Variants in BRIP1 observed in about 807,000 individuals in gnomAD.
BRIP1 encodes BRCA1 interacting DNA helicase 1.
In BRIP1, 88 loss-of-function variants were observed where a neutral mutation model predicts 119.7. The observed-to-expected ratio is 0.74, with a 90% CI of 0.62 to 0.88. The LOEUF is 0.88. Ranked by LOEUF, BRIP1 falls within the 40% of genes least tolerant of loss-of-function variation. BRIP1 has a pLI of 0.00. For synonymous variants in BRIP1, 443 were observed against 496.5 expected (o/e 0.89, Z 1.43); for missense variants, 1,259 against 1,455.4 (o/e 0.87, Z 2.20).
rs2061248286 is a variant in BRIP1, at chr17:61,679,275, AAC to A, written c.*4019_*4020del. Among the ~76,000 whole-genome samples the A allele has an allele frequency of 6.6e-6, 1 of 152,220 alleles. No homozygotes were observed. Among genetic ancestry groups the A allele is most frequent in the Non-Finnish European group, 1.5e-5 (1 of 68,014 alleles). On this transcript the variant is annotated 3_prime_UTR_variant, in exon 20 of 20. Transcript: ENST00000259008. This position sits in a 1 kb window ranked among gnomAD's most constrained non-coding sequence, Gnocchi z 4.4. ...CAACAAAGCCTTATAGAAACTTAGA[AAC>A]AGTGCCAAATTTAAACCCATGTAAT... is the stretch of plus-strand genomic sequence containing the variant.
chr17:61,839,562 A>G (rs2078627566), intron 6 of BRIP1, among the ~76,000 whole-genome samples: 1 of 152,182 alleles, frequency 6.6e-6, no homozygotes. Context: ...ATGCATGTTT[A>G]ATTAGTATGA....
chr17:61,731,421 G>A (rs2076841631), intron 16 of BRIP1, among the ~76,000 whole-genome samples: 1 of 152,092 alleles, frequency 6.6e-6, no homozygotes, highest in Non-Finnish European at 1.5e-5. Flanking sequence ...CCTGGATCTG[G>A]TTTCCCATAA....
intron 14 of BRIP1, among the ~76,000 whole-genome samples, chr17:61,749,573 G>A (rs1310200727): frequency 6.6e-6 from 1 of 152,082 alleles, no homozygotes; most frequent in Non-Finnish European, 1.5e-5. Flanking sequence ...TGTTCGGAAG[G>A]CCATTATTTA....
chr17:61,749,264 G>A (rs2159450), intron 14 of BRIP1, among the ~76,000 whole-genome samples: 1 of 151,882 alleles, frequency 6.6e-6, no homozygotes, highest in African/African-American at 2.4e-5. Flanking sequence ...TAAAACCTAC[G>A]ATTGGGACCA....
rs988427438 is a variant in BRIP1, at chr17:61,743,982, C to T, written c.2257+450G>A. 1.1e-4 allele frequency among the ~76,000 whole-genome samples: 16 copies of T among 152,130 alleles called. No individual in the cohort carries two copies. Among genetic ancestry groups the T allele is most frequent in the South Asian group, 8.3e-4 (4 of 4,822 alleles). ...GATTACAGGCAAGAGCCACCACGCC[C>T]GGCCTCACATCAAACTCTTCATGGA... On this transcript the variant is annotated intron_variant, in intron 15 of 19. Transcript: ENST00000259008. The surrounding 1 kb of genome is among the most constrained non-coding windows in gnomAD (Gnocchi z 4.3).
At position 61,722,036 on chromosome 17, in the gene BRIP1, C is replaced by T. The variant is rs2061988419; in HGVS notation, c.2380-5973G>A. ...GAGCCACCACGCCTAGCCAACTTTG[C>T]TTTTTTTTTTTTTCTTTTTTTTTGA... is the stretch of plus-strand genomic sequence containing the variant. On this transcript the variant is annotated intron_variant, in intron 16 of 19. Transcript: ENST00000259008. This position sits in a 1 kb window ranked among gnomAD's most constrained non-coding sequence, Gnocchi z 4.6. 7.1e-6 allele frequency among the ~76,000 whole-genome samples: 1 copy of T among 141,838 alleles called. No homozygotes were observed. The highest frequency in any genetic ancestry group is 2.6e-5 in the African/African-American group (1 of 38,662). 93.1% of individuals were successfully genotyped at this position (141,838 alleles called of 152,430 possible). A position where few individuals can be genotyped will look rare whatever the true frequency, so the allele number is the denominator to read the frequency against.
intron 6 of BRIP1, among the ~76,000 whole-genome samples, chr17:61,833,626 G>A (rs933650083): frequency 8.8e-5 from 13 of 147,502 alleles, no homozygotes; most frequent in Non-Finnish European, 1.6e-4. Context: ...AGCCAAAACT[G>A]CACCACTGCA....
chr17:61,825,622 CAAATAAAT>C lies in BRIP1; in HGVS notation c.628-16873_628-16866del, dbSNP rs3034667. On this transcript the variant is annotated intron_variant, in intron 6 of 19. Coordinates refer to ENST00000259008, the MANE Select transcript of BRIP1 (RefSeq NM_032043.3). This position sits in a 1 kb window ranked among gnomAD's most constrained non-coding sequence, Gnocchi z 4.1. Reference sequence around the variant, plus strand: ...AATGCAATCCCATTCACAATTGCCACAAATAAATAAATAAATAAATAAATAAATAAATA... The same window carrying C: ...AATGCAATCCCATTCACAATTGCCACAAATAAATAAATAAATAAATAAATA... Among the ~76,000 whole-genome samples, 27,197 of 143,254 alleles carry C rather than the reference CAAATAAAT, an allele frequency of 0.19. 2,887 individuals are homozygous for C. Among genetic ancestry groups the C allele is most frequent in the Admixed American group, 0.29 (4,105 of 14,356 alleles). The allele number at this position is 143,254 out of a possible 152,430, so 94.0% of individuals were successfully genotyped here.
rs566596727 is a variant in BRIP1 at position 61,761,169 on chromosome 17, T to C, written c.2097+15232A>G. On this transcript the variant is annotated intron_variant, in intron 14 of 19. Transcript: ENST00000259008. The surrounding 1 kb of genome is among the most constrained non-coding windows in gnomAD (Gnocchi z 6.4). Reference sequence around the variant, plus strand: ...GACAAAAACCATATGATCATCTCATTAGATGTAGAAAAATCATTTGACAAA... The same window carrying C: ...GACAAAAACCATATGATCATCTCATCAGATGTAGAAAAATCATTTGACAAA... 7.2e-5 allele frequency among the ~76,000 whole-genome samples: 11 copies of C among 152,196 alleles called. No homozygotes were observed. The East Asian group carries it at 2.1e-3, about 29-fold the overall frequency.
chr17:61,766,437 T>C (rs1351431546), intron 14 of BRIP1, among the ~76,000 whole-genome samples: 1 of 152,186 alleles, frequency 6.6e-6, no homozygotes, highest in Non-Finnish European at 1.5e-5. Flanking sequence ...AAAAAATATT[T>C]CTTCAAAAGG....
At chr17:61,826,985 A>T (rs1393077228) in intron 6 of BRIP1, among the ~76,000 whole-genome samples, 2 of 152,216 alleles carry the variant, frequency 1.3e-5, no homozygotes, top group Admixed American at 6.5e-5. Context: ...TGTTCATTGA[A>T]GCACTATGCA....
intron 17 of BRIP1, among the ~76,000 whole-genome samples, chr17:61,697,396 T>G (rs2061545690): frequency 6.7e-6 from 1 of 149,230 alleles, no homozygotes; most frequent in Non-Finnish European, 1.5e-5. Flanking sequence ...TCTTGATATA[T>G]TCTCAGTATT....
chr17:61,741,561 C>A (rs4343344), intron 16 of BRIP1, among the ~76,000 whole-genome samples: 110,910 of 152,146 alleles, frequency 0.73, 41,056 homozygotes, highest in Middle Eastern at 0.81. Context: ...TATTCATTGG[C>A]TGCAGAATGG....
intron 17 of BRIP1, among the ~76,000 whole-genome samples, chr17:61,696,686 CAAAAA>C (rs1237775624): frequency 1.7e-5 from 1 of 57,156 alleles, no homozygotes; most frequent in Non-Finnish European, 3.7e-5. Flanking sequence ...CTTTGTCTCA[CAAAAA>C]AAAAAAAAAA....
rs1324023583 is a variant in BRIP1, at chr17:61,848,398, A to G, written c.507+731T>C. ...TCTTTTTTTTTACTTTTTTGTGGAG[A>G]CAGGAGCCTTGCTATGTCACCCAGG... On this transcript the variant is annotated intron_variant, in intron 5 of 19. Coordinates refer to ENST00000259008, the MANE Select transcript of BRIP1 (RefSeq NM_032043.3). This position sits in a 1 kb window ranked among gnomAD's most constrained non-coding sequence, Gnocchi z 4.3. Among the ~76,000 whole-genome samples, 1 of 151,728 alleles carries G rather than the reference A, an allele frequency of 6.6e-6. No individual in the cohort carries two copies. The highest frequency in any genetic ancestry group is 2.4e-5 in the African/African-American group (1 of 41,286).
rs1299347301 is a variant in BRIP1, at chr17:61,798,974, A to T, written c.1340+126T>A. Reference sequence around the variant, plus strand: ...GCCTTGTTTTTAAAGCTTAACTGGCAAGGAACAATTCATTTCCCAAGAAGC... The same window carrying T: ...GCCTTGTTTTTAAAGCTTAACTGGCTAGGAACAATTCATTTCCCAAGAAGC... On this transcript the variant is annotated intron_variant, in intron 9 of 19. Transcript: ENST00000259008. The surrounding 1 kb of genome is among the most constrained non-coding windows in gnomAD (Gnocchi z 5.5). 6 of 869,974 alleles carry T rather than the reference A, an allele frequency of 6.9e-6. No individual in the cohort carries two copies. The highest frequency in any genetic ancestry group is 1.1e-5 in the Non-Finnish European group (6 of 532,542). 53.9% of individuals were successfully genotyped at this position (869,974 alleles called of 1,614,324 possible).
At chr17:61,733,836 A>G (rs1184149865) in intron 16 of BRIP1, among the ~76,000 whole-genome samples, 2 of 138,762 alleles carry the variant, frequency 1.4e-5, no homozygotes, top group Non-Finnish European at 3.1e-5. Flanking sequence ...TATAAAATTT[A>G]TTAGCATGAT....
At position 61,703,212 on chromosome 17, in the gene BRIP1, C is replaced by T. The variant is rs549714100; in HGVS notation, c.2493-9700G>A. 2.0e-4 allele frequency among the ~76,000 whole-genome samples: 30 copies of T among 152,110 alleles called. No individual in the cohort carries two copies. Among genetic ancestry groups the T allele is most frequent in the African/African-American group, 6.3e-4 (26 of 41,526 alleles). ...CCAAGTAGCTGGAATTACAGGTGTG[C>T]GCCACAACACCCACCTAATTTTTGT... On this transcript the variant is annotated intron_variant, in intron 17 of 19. Transcript: ENST00000259008. This position sits in a 1 kb window ranked among gnomAD's most constrained non-coding sequence, Gnocchi z 5.0.
chr17:61,749,567 C>T (rs904884497), intron 14 of BRIP1, among the ~76,000 whole-genome samples: 9 of 151,920 alleles, frequency 5.9e-5, no homozygotes, highest in South Asian at 2.1e-4. Context: ...CACAGCTGTT[C>T]GGAAGGCCAT....
Sources: allele counts gnomAD v4.1 joint callset (sites outside exome capture counted in the v4.1 genomes callset), GRCh38; gene constraint gnomAD v4.1.1; non-coding constraint Gnocchi (gnomAD v3.1); transcripts MANE v1.5; gene names NCBI Gene and HGNC (gene_info 2026-07-23, HGNC 2026-07-21).